LCLAT1: variants seen among roughly 807,000 people sequenced by gnomAD.
LCLAT1 encodes 1-AGP acyltransferase 8.
In LCLAT1, 11 loss-of-function variants were observed where a neutral mutation model predicts 30.7. That is an observed-to-expected ratio of 0.36 (90% CI 0.23 to 0.59). The LOEUF (loss-of-function observed/expected upper bound fraction) is 0.59, where lower values mean the gene tolerates loss of function less well. LCLAT1 is among the 20% of genes least tolerant of loss of function. The pLI is 0.77. For synonymous variants in LCLAT1, 155 were observed against 151.3 expected (o/e 1.02, Z -0.18); for missense variants, 402 against 458.6 (o/e 0.88, Z 1.13).
rs1197846804 is a variant in LCLAT1, at chr2:30,533,241, C to T, written c.291C>T (p.Cys97=). The change falls in exon 3 of 6, where the codon TGC becomes TGT. Residue 97 remains cysteine (C), a synonymous_variant. Transcript: ENST00000379509. ...TGGACTGGATGTTCCTGTGGAATTGCCTGATGCGATATAGCTACCTCAGAT... is the reference window on the plus strand; with the variant it reads ...TGGACTGGATGTTCCTGTGGAATTGTCTGATGCGATATAGCTACCTCAGAT... ...TRMDWMFLWN[C]LMRYSYLRLE... 5 of 1,614,022 alleles carry T rather than the reference C, an allele frequency of 3.1e-6. No homozygotes were observed. The highest frequency in any genetic ancestry group is 1.1e-5 in the South Asian group (1 of 91,080).
intron 3 of LCLAT1, among the ~76,000 whole-genome samples, chr2:30,549,536 G>A (rs1414143554): frequency 6.6e-6 from 1 of 152,154 alleles, no homozygotes; most frequent in Non-Finnish European, 1.5e-5. Flanking sequence ...GTATTTGGTG[G>A]AAAAGCACAA....
At chr2:30,464,702 C>T (rs1367123470) in intron 1 of LCLAT1, among the ~76,000 whole-genome samples, 2 of 152,100 alleles carry the variant, frequency 1.3e-5, no homozygotes, top group Non-Finnish European at 2.9e-5. Flanking sequence ...GTGATAGTTT[C>T]CTGTGCACCT....
At chr2:30,534,936 T>C (rs1433214733) in intron 3 of LCLAT1, among the ~76,000 whole-genome samples, 2 of 152,220 alleles carry the variant, frequency 1.3e-5, no homozygotes, top group Non-Finnish European at 2.9e-5. Flanking sequence ...AGATTGATTC[T>C]ACATGAGATA....
intron 1 of LCLAT1, among the ~76,000 whole-genome samples, chr2:30,457,457 C>T (rs1483219263): frequency 1.3e-5 from 2 of 152,164 alleles, no homozygotes; most frequent in African/African-American, 2.4e-5. Context: ...TATTTTACAA[C>T]CTTGTAAGTT....
intron 1 of LCLAT1, among the ~76,000 whole-genome samples, chr2:30,508,858 A>G (rs1381707346): frequency 3.9e-5 from 6 of 152,208 alleles, no homozygotes; most frequent in Non-Finnish European, 7.3e-5. Context: ...TACTTTGTGT[A>G]GTATGGCCAT....
At chr2:30,543,948 C>T (rs1558509241) in intron 3 of LCLAT1, among the ~76,000 whole-genome samples, 1 of 151,910 alleles carries the variant, frequency 6.6e-6, no homozygotes, top group African/African-American at 2.4e-5. Flanking sequence ...GCTTAATTTG[C>T]TTTTTTTAAA....
intron 1 of LCLAT1, among the ~76,000 whole-genome samples, chr2:30,461,160 T>C (rs1261819387): frequency 6.6e-6 from 1 of 152,168 alleles, no homozygotes; most frequent in Non-Finnish European, 1.5e-5. Context: ...TGGGGATAAC[T>C]GAAGTGAGGG....
At chr2:30,567,546 TC>T (rs1251710957) in intron 4 of LCLAT1, among the ~76,000 whole-genome samples, 1 of 152,116 alleles carries the variant, frequency 6.6e-6, no homozygotes, top group African/African-American at 2.4e-5. Context: ...TGTGGAACCC[TC>T]CCACTTGGGG....
At chr2:30,593,169 G>C (rs1666771902) in intron 5 of LCLAT1, among the ~76,000 whole-genome samples, 1 of 152,056 alleles carries the variant, frequency 6.6e-6, no homozygotes, top group Non-Finnish European at 1.5e-5. Flanking sequence ...GAGATATTTT[G>C]TCTCTCTGTG....
At chr2:30,471,926 C>G (rs1682815083) in intron 1 of LCLAT1, among the ~76,000 whole-genome samples, 1 of 152,140 alleles carries the variant, frequency 6.6e-6, no homozygotes, top group South Asian at 2.1e-4. Context: ...AAGCAATCAT[C>G]CTTGTCTTAT....
At chr2:30,523,452 T>A (rs1255693354) in intron 1 of LCLAT1, among the ~76,000 whole-genome samples, 1 of 152,160 alleles carries the variant, frequency 6.6e-6, no homozygotes, top group Non-Finnish European at 1.5e-5. Context: ...CCATTATTAC[T>A]CCGTTACCCC....
At chr2:30,563,167 C>G (rs1320238089) in intron 4 of LCLAT1, among the ~76,000 whole-genome samples, 2 of 151,996 alleles carry the variant, frequency 1.3e-5, no homozygotes, top group Non-Finnish European at 2.9e-5. Flanking sequence ...TGGGACTGCA[C>G]CCGATACTAC....
At chr2:30,610,078 T>A (rs969661776) in intron 5 of LCLAT1, among the ~76,000 whole-genome samples, 2 of 152,168 alleles carry the variant, frequency 1.3e-5, no homozygotes, top group African/African-American at 4.8e-5. Context: ...AAATTGAACA[T>A]AGCCATACCC....
At chr2:30,617,609 T>C (rs1290789050) in intron 5 of LCLAT1, among the ~76,000 whole-genome samples, 1 of 152,156 alleles carries the variant, frequency 6.6e-6, no homozygotes, top group Non-Finnish European at 1.5e-5. Context: ...CCATTAGTAT[T>C]ATTTGAGGGT....
At chr2:30,637,901 A>G (rs1234446208) in intron 5 of LCLAT1, among the ~76,000 whole-genome samples, 1 of 152,132 alleles carries the variant, frequency 6.6e-6, no homozygotes, top group East Asian at 1.9e-4. Context: ...TTTGGAGCCA[A>G]GCAGGTCTGG....
At chr2:30,532,994 GATC>G (rs1686053086) in intron 2 of LCLAT1, 119 bp from the exon 3 acceptor site, 2 of 701,848 alleles carry the variant, frequency 2.8e-6, no homozygotes. Context: ...TAGAAGCAAG[GATC>G]ATGGGAAATA....
At chr2:30,542,142 C>A (rs1664171670) in intron 3 of LCLAT1, among the ~76,000 whole-genome samples, 1 of 152,056 alleles carries the variant, frequency 6.6e-6, no homozygotes, top group African/African-American at 2.4e-5. Flanking sequence ...AGGATTTTTG[C>A]AGTTTTTTAC....
chr2:30,554,014 C>T (rs1664801531), intron 3 of LCLAT1, among the ~76,000 whole-genome samples: 2 of 152,070 alleles, frequency 1.3e-5, no homozygotes, highest in African/African-American at 2.4e-5. Flanking sequence ...AAAACCCAAA[C>T]CCCTTGCCAG....
intron 3 of LCLAT1, among the ~76,000 whole-genome samples, chr2:30,545,991 T>G (rs1171774115): frequency 6.6e-6 from 1 of 152,186 alleles, no homozygotes; most frequent in African/African-American, 2.4e-5. Flanking sequence ...GACCTCATGA[T>G]TTCATATTAA....
Sources: allele counts gnomAD v4.1 joint callset (sites outside exome capture counted in the v4.1 genomes callset), GRCh38; gene constraint gnomAD v4.1.1; transcripts MANE v1.5; gene names NCBI Gene and HGNC (gene_info 2026-07-23, HGNC 2026-07-21).